Variants in PRKG1 observed in about 807,000 individuals in gnomAD.
PRKG1 encodes the protein cGMP-dependent protein kinase 1.
Under a neutral mutation model 88.1 loss-of-function variants are expected in PRKG1, and 35 were observed. That is an observed-to-expected ratio of 0.40 (90% CI 0.30 to 0.53). PRKG1 has a LOEUF of 0.53. Ranked by LOEUF, PRKG1 falls within the 20% of genes least tolerant of loss-of-function variation. The probability of loss-of-function intolerance (pLI) is 0.59; values close to 1 mark genes in which losing one functional copy is unlikely to be tolerated. For synonymous variants in PRKG1, 303 were observed against 292.5 expected, an observed-to-expected ratio of 1.04 and a Z score of -0.37; for missense variants, 540 against 839.8, an observed-to-expected ratio of 0.64 and a Z score of 4.41.
At chr10:51,639,714 G>A (rs1320600331) in intron 3 of PRKG1, among the ~76,000 whole-genome samples, 28 of 151,144 alleles carry the variant, frequency 1.9e-4, no homozygotes, top group Admixed American at 1.8e-3. Flanking sequence ...ATTTTATTAA[G>A]AATTAATTAT....
At chr10:51,351,798 T>C (rs1473324432) in intron 2 of PRKG1, among the ~76,000 whole-genome samples, 5 of 152,216 alleles carry the variant, frequency 3.3e-5, no homozygotes, top group Non-Finnish European at 5.9e-5. Context: ...TTTGGTATTT[T>C]AGTCATTAAG....
rs1184368601 is a variant in PRKG1, at chr10:51,797,392, CT to C, written c.593-7190del. Among the ~76,000 whole-genome samples the C allele has an allele frequency of 2.8e-5, 4 of 142,220 alleles. No homozygotes were observed. In the East Asian group the frequency reaches 6.0e-4, roughly 21 times the overall value. 93.3% of individuals were successfully genotyped at this position (142,220 alleles called of 152,430 possible). A position where few individuals can be genotyped will look rare whatever the true frequency, so the allele number is the denominator to read the frequency against. ...ATATAATAAAATATATATTATATATCTTTATTATATTATTTATAATACATAT... is the reference window on the plus strand; with the variant it reads ...ATATAATAAAATATATATTATATATCTTATTATATTATTTATAATACATAT... On this transcript the variant is annotated intron_variant, in intron 3 of 17. Transcript: ENST00000373980.
intron 2 of PRKG1, among the ~76,000 whole-genome samples, chr10:51,227,767 A>C (rs1283536613): frequency 6.6e-6 from 1 of 152,202 alleles, no homozygotes; most frequent in East Asian, 1.9e-4. Context: ...TGTTGCTGAG[A>C]TCAGGTAAAG....
chr10:51,891,082 T>C (rs1290938535), intron 4 of PRKG1, among the ~76,000 whole-genome samples: 2 of 134,196 alleles, frequency 1.5e-5, no homozygotes, highest in Non-Finnish European at 3.1e-5. Context: ...GGCAACATAC[T>C]GAAACCCATC....
At position 51,224,064 on chromosome 10, in the gene PRKG1, C is replaced by T. The variant is rs1009370868; in HGVS notation, c.478+70734C>T. ...ACACATAGACCAGAATAGAGAGGAA[C>T]CATGGAGTGGGAAAATAGGAAAAGA... On this transcript the variant is annotated intron_variant, in intron 2 of 17. Transcript: ENST00000373980. Among the ~76,000 whole-genome samples the T allele has an allele frequency of 5.9e-5, 9 of 152,034 alleles. No homozygotes were observed. The East Asian group carries it at 1.7e-3, about 29-fold the overall frequency.
In PRKG1 at chr10:51,037,185, C is replaced by T. The variant is rs992783362; in HGVS notation, c.266+45541C>T. ...TTAAAAGGCCAGGTGTGGTTGCTTG[C>T]ACCTGTAATCCCAGCATTTTGGGAG... On this transcript the variant is annotated intron_variant, in intron 1 of 17. Coordinates refer to the PRKG1 transcript ENST00000401604. Among the ~76,000 whole-genome samples the T allele has an allele frequency of 3.9e-5, 6 of 152,252 alleles. No homozygotes were observed. In the East Asian group the frequency reaches 1.2e-3, roughly 29 times the overall value.
intron 4 of PRKG1, among the ~76,000 whole-genome samples, chr10:51,839,563 G>C (rs1436147529): frequency 6.6e-6 from 1 of 152,210 alleles, no homozygotes; most frequent in Non-Finnish European, 1.5e-5. Flanking sequence ...TATCTTTTGG[G>C]AAGTGTGTGA....
chr10:52,205,468 G>A (rs555423033), intron 9 of PRKG1, among the ~76,000 whole-genome samples: 51 of 152,194 alleles, frequency 3.4e-4, no homozygotes, highest in Admixed American at 1.0e-3. Context: ...AAGAACCCAC[G>A]TTGAATTATT....
intron 2 of PRKG1, among the ~76,000 whole-genome samples, chr10:51,300,109 C>A (rs1321659191): frequency 6.6e-6 from 1 of 152,150 alleles, no homozygotes; most frequent in Non-Finnish European, 1.5e-5. Flanking sequence ...GAGAGTAGAA[C>A]CTTGTCTTTA....
intron 1 of PRKG1, among the ~76,000 whole-genome samples, chr10:51,009,404 T>C (rs1842969711): frequency 6.6e-6 from 1 of 152,214 alleles, no homozygotes; most frequent in South Asian, 2.1e-4. Flanking sequence ...TAAATAGTTC[T>C]CCCACCTCCA....
intron 5 of PRKG1, among the ~76,000 whole-genome samples, chr10:52,040,791 T>C (rs1429850765): frequency 6.6e-6 from 1 of 151,600 alleles, no homozygotes; most frequent in Non-Finnish European, 1.5e-5. Flanking sequence ...TTTTCTCGCT[T>C]AAGTATGATG....
intron 1 of PRKG1, among the ~76,000 whole-genome samples, chr10:51,101,529 C>A (rs1049361682): frequency 1.3e-5 from 2 of 152,160 alleles, no homozygotes; most frequent in Admixed American, 1.3e-4. Context: ...TTGTATTCTC[C>A]TTTGAGAAGC....
intron 9 of PRKG1, among the ~76,000 whole-genome samples, chr10:52,234,120 AAACT>A (rs1265602040): frequency 6.6e-6 from 1 of 152,126 alleles, no homozygotes; most frequent in Non-Finnish European, 1.5e-5. Flanking sequence ...GTTAGAAGGA[AAACT>A]AACAGACAGA....
Position 51,945,077 on chromosome 10 carries a change from T to C in PRKG1, c.762+37507T>C, listed in dbSNP as rs1395845943. Among the ~76,000 whole-genome samples, 2 of 150,980 alleles carry C rather than the reference T, an allele frequency of 1.3e-5. 1 individual carries two copies. The highest frequency in any genetic ancestry group is 4.9e-5 in the African/African-American group (2 of 40,858). ...GGGTGTTAAAGTCTCCCATTATTATTGTGTGGGAGTCTAAGTCTCTTTGTA... is the reference window on the plus strand; with the variant it reads ...GGGTGTTAAAGTCTCCCATTATTATCGTGTGGGAGTCTAAGTCTCTTTGTA... On this transcript the variant is annotated intron_variant, in intron 5 of 17. Coordinates refer to ENST00000373980, the MANE Select transcript of PRKG1 (RefSeq NM_006258.4).
At chr10:51,017,212 C>T (rs1843078780) in intron 1 of PRKG1, among the ~76,000 whole-genome samples, 1 of 152,066 alleles carries the variant, frequency 6.6e-6, no homozygotes, top group Admixed American at 6.6e-5. Context: ...GCTCCTGTAG[C>T]ACCCTTTATT....
intron 2 of PRKG1, among the ~76,000 whole-genome samples, chr10:51,247,587 C>T (rs1839323698): frequency 6.6e-6 from 1 of 151,872 alleles, no homozygotes; most frequent in African/African-American, 2.4e-5. Context: ...AGCTAATTAC[C>T]CTGAGGACAG....
chr10:51,627,456 A>T (rs1049290450), intron 3 of PRKG1, among the ~76,000 whole-genome samples: 1 of 152,036 alleles, frequency 6.6e-6, no homozygotes, highest in South Asian at 2.1e-4. Context: ...ACTAAGGAAA[A>T]CCTCCCAATT....
intron 1 of PRKG1, among the ~76,000 whole-genome samples, chr10:51,003,145 T>G (rs955877256): frequency 6.6e-6 from 1 of 151,946 alleles, no homozygotes; most frequent in African/African-American, 2.4e-5. Flanking sequence ...TGGGTATGCT[T>G]TCTCGTGTCT....
intron 3 of PRKG1, 74 bp from the exon 4 acceptor site, chr10:51,804,511 T>C (rs1454322956): frequency 2.0e-6 from 2 of 1,012,132 alleles, no homozygotes; most frequent in Admixed American, 3.7e-5. Context: ...CTCATCTCCT[T>C]TGCAGGATGT....
Sources: allele counts gnomAD v4.1 joint callset (sites outside exome capture counted in the v4.1 genomes callset), GRCh38; gene constraint gnomAD v4.1.1; transcripts MANE v1.5; gene names NCBI Gene and HGNC (gene_info 2026-07-23, HGNC 2026-07-21).